Variants in CASK observed in about 807,000 individuals in gnomAD.
CASK encodes calcium/calmodulin dependent serine protein kinase, also known as peripheral plasma membrane protein CASK.
CASK carries 4 observed loss-of-function variants against 82.9 expected under a neutral mutation model. That is an observed-to-expected ratio of 0.05 (90% CI 0.02 to 0.11). The LOEUF (loss-of-function observed/expected upper bound fraction) is 0.11, where lower values mean the gene tolerates loss of function less well. CASK is among the 10% of genes least tolerant of loss of function. The pLI is 1.00. For missense variants in CASK, 358 were observed against 720.9 expected, an observed-to-expected ratio of 0.50 and a Z score of 5.76; for synonymous variants, 259 against 253.5, an observed-to-expected ratio of 1.02 and a Z score of -0.20.
chrX:41,546,784 T>A (rs1314457701), intron 21 of CASK, among the ~76,000 whole-genome samples: 1 of 111,853 alleles, frequency 8.9e-6, no homozygotes, highest in Non-Finnish European at 1.9e-5. Context: ...GGTCATTTTT[T>A]AATAAAGGCT....
intron 5 of CASK, among the ~76,000 whole-genome samples, chrX:41,714,999 G>A (rs897448806): frequency 3.6e-5 from 4 of 112,301 alleles, no homozygotes; most frequent in Non-Finnish European, 5.6e-5. Context: ...ACAGGGCCCC[G>A]TAAACAGCTC....
At position 41,520,690 on chromosome X, in the gene CASK, T is replaced by C. The variant is rs1057108530; in HGVS notation, c.2605-94A>G. 3.3e-5 allele frequency: 26 copies of C among 795,890 alleles called. 1 individual carries two copies. The highest frequency in any genetic ancestry group is 9.0e-5 in the Admixed American group (4 of 44,681). 65.6% of individuals were successfully genotyped at this position (795,890 alleles called of 1,213,427 possible). The stretch of plus-strand genomic sequence containing the variant: ...CAGTTGGATTCGTTCTCTTTTCACA[T>C]TTTTGTTCATCCCAGTGTCAGAAAC... On this transcript the variant is annotated intron_variant, in intron 26 of 26. Coordinates refer to ENST00000378163, the MANE Select transcript of CASK (RefSeq NM_001367721.1).
intron 5 of CASK, chrX:41,697,531 A>G (rs1046862184): frequency 2.7e-5 from 3 of 112,028 alleles, no homozygotes; most frequent in African/African-American, 9.7e-5. Context: ...ATACGTACAC[A>G]AGAAACATGT....
chrX:41,613,328 T>G (rs2066135312), intron 11 of CASK, among the ~76,000 whole-genome samples: 1 of 102,462 alleles, frequency 9.8e-6, no homozygotes, highest in Non-Finnish European at 2.0e-5. Flanking sequence ...ATCTGTGACC[T>G]TACCCCCAAC....
intron 5 of CASK, among the ~76,000 whole-genome samples, chrX:41,677,157 G>GAA (rs200612019): frequency 1.1e-4 from 6 of 53,498 alleles, no homozygotes; most frequent in Non-Finnish European, 1.4e-4. Flanking sequence ...ATAGAAAAAT[G>GAA]AAAAAAAAAA....
chrX:41,840,831 A>G (rs1484305317), intron 2 of CASK, among the ~76,000 whole-genome samples: 1 of 112,227 alleles, frequency 8.9e-6, no homozygotes, highest in Non-Finnish European at 1.9e-5. Context: ...GTGATGGATT[A>G]CATTAATTGA....
chrX:41,525,068 A>G (rs968903068), intron 25 of CASK, among the ~76,000 whole-genome samples: 1 of 111,555 alleles, frequency 9.0e-6, no homozygotes, highest in African/African-American at 3.3e-5. Context: ...TTGTAATAGT[A>G]ATTAGACTGG....
At chrX:41,830,166 A>C (rs1393880273) in intron 2 of CASK, among the ~76,000 whole-genome samples, 1 of 107,148 alleles carries the variant, frequency 9.3e-6, no homozygotes, top group Non-Finnish European at 1.9e-5. Context: ...TGCCTGGCTA[A>C]TTTTTTTATT....
rs1239515887 is a variant in CASK at position 41,812,304 on chromosome X, C to A, written c.173-25021G>T. Among the ~76,000 whole-genome samples the A allele has an allele frequency of 2.7e-5, 3 of 111,759 alleles. No individual in the cohort carries two copies. In the Admixed American group the frequency reaches 2.8e-4, roughly 11 times the overall value. On this transcript the variant is annotated intron_variant, in intron 2 of 26. Transcript: ENST00000378163. The stretch of plus-strand genomic sequence containing the variant: ...ACAACAAAAAAAAGGGAATTCTAGA[C>A]CAATATCCCTGATGAACATCGATGC...
intron 1 of CASK, among the ~76,000 whole-genome samples, chrX:41,866,914 C>T (rs1012899392): frequency 9.0e-6 from 1 of 111,541 alleles, no homozygotes; most frequent in Non-Finnish European, 1.9e-5. Flanking sequence ...GCATACTAGA[C>T]TAGGGGTTCT....
intron 2 of CASK, among the ~76,000 whole-genome samples, chrX:41,807,558 G>C (rs1168926810): frequency 9.0e-6 from 1 of 111,595 alleles, no homozygotes. Flanking sequence ...TGGTATCATA[G>C]TCTGTTTTCT....
intron 26 of CASK, chrX:41,522,972 T>C (rs2147065258): frequency 8.9e-6 from 1 of 112,374 alleles, no homozygotes; most frequent in East Asian, 2.8e-4. Flanking sequence ...CACGGCTGTA[T>C]TTCACCACCT....
intron 22 of CASK, among the ~76,000 whole-genome samples, chrX:41,538,756 G>A (rs529950739): frequency 1.8e-5 from 2 of 111,835 alleles, no homozygotes; most frequent in Admixed American, 1.9e-4. Context: ...TTGAATCCTT[G>A]TCTCAGCTGG....
chrX:41,662,065 T>G (rs2067042644), intron 7 of CASK, among the ~76,000 whole-genome samples: 1 of 111,637 alleles, frequency 9.0e-6, no homozygotes. Context: ...TACAAGACAG[T>G]CCAACACAGG....
intron 16 of CASK, among the ~76,000 whole-genome samples, chrX:41,565,184 C>G (rs2065292626): frequency 1.8e-5 from 2 of 111,162 alleles, no homozygotes; most frequent in African/African-American, 6.5e-5. Context: ...ACTAGAGAAG[C>G]AAGAGCAAAC....
intron 5 of CASK, among the ~76,000 whole-genome samples, chrX:41,714,428 G>T (rs1043013768): frequency 8.9e-6 from 1 of 112,005 alleles, no homozygotes; most frequent in Non-Finnish European, 1.9e-5. Flanking sequence ...TCACTTGACT[G>T]TATTATGGGG....
chrX:41,620,635 C>G (rs1376119685), intron 11 of CASK, among the ~76,000 whole-genome samples: 1 of 112,307 alleles, frequency 8.9e-6, no homozygotes, highest in Non-Finnish European at 1.9e-5. Flanking sequence ...TCTCTTGTCC[C>G]TTTGCAGCCA....
chrX:41,913,065 A>G (rs1391935622), intron 1 of CASK, among the ~76,000 whole-genome samples: 1 of 110,043 alleles, frequency 9.1e-6, no homozygotes, highest in Non-Finnish European at 1.9e-5. Context: ...GTGGTCACAC[A>G]GTCTCTGGAT....
chrX:41,854,220 G>GTGCA (rs2071325289), intron 1 of CASK, among the ~76,000 whole-genome samples: 1 of 55,748 alleles, frequency 1.8e-5, no homozygotes, highest in Non-Finnish European at 3.7e-5. Context: ...GCGCGCGGGC[G>GTGCA]CGCGCACACA....
Sources: allele counts gnomAD v4.1 joint callset (sites outside exome capture counted in the v4.1 genomes callset), GRCh38; gene constraint gnomAD v4.1.1; transcripts MANE v1.5; gene names NCBI Gene and HGNC (gene_info 2026-07-23, HGNC 2026-07-21).